NLRP6: variants seen among roughly 807,000 people sequenced by gnomAD.
NLRP6 encodes the protein NACHT, LRR and PYD domains-containing protein 6.
Under a neutral mutation model 70.9 loss-of-function variants are expected in NLRP6, and 55 were observed. The observed-to-expected ratio is 0.78, with a 90% CI of 0.62 to 0.97. NLRP6 has a LOEUF of 0.97. Ranked by LOEUF, NLRP6 falls within the 50% of genes least tolerant of loss-of-function variation. The pLI is 0.00. For missense variants in NLRP6, 1,241 were observed against 1,238.3 expected, an observed-to-expected ratio of 1.00 and a Z score of -0.03; for synonymous variants, 652 against 581.9, an observed-to-expected ratio of 1.12 and a Z score of -1.73.
At position 281,586 on chromosome 11, in the gene NLRP6, C is replaced by G; in HGVS notation, c.1852C>G (p.Pro618Ala). 1 of 1,611,404 alleles carries G rather than the reference C, an allele frequency of 6.2e-7. No homozygotes were observed. Among genetic ancestry groups the G allele is most frequent in the African/African-American group, 1.3e-5 (1 of 75,026 alleles). Residue 618 changes from proline (P) to alanine (A), a missense_variant, in exon 4 of 8, where the codon CCA becomes GCA. Coordinates refer to ENST00000534750, the MANE Select transcript of NLRP6 (RefSeq NM_001276700.2). ...EEEEGEEPNY[P>A]LELLYCLYET... ...GGAGGAGGGAGAGGAGCCCAACTAC[C>G]CACTGGAGTTGCTGTACTGCCTGTA...
chr11:282,595 T>G (rs1277985277), intron 4 of NLRP6, 110 bp from the exon 5 acceptor site: 3 of 837,682 alleles, frequency 3.6e-6, no homozygotes, highest in African/African-American at 3.3e-5. Flanking sequence ...AGCAAGGAGG[T>G]GAGGAGGAGG....
At chr11:285,064 C>A (rs1318092760) in intron 7 of NLRP6, 102 bp from the exon 8 acceptor site, 1 of 1,028,542 alleles carries the variant, frequency 9.7e-7, no homozygotes, top group Non-Finnish European at 1.4e-6. Context: ...CACGGCACTG[C>A]CCGTCACTGC....
rs1367634239 is a variant in NLRP6 at position 281,243 on chromosome 11, G to A, written c.1509G>A (p.Gln503=). The A allele has an allele frequency of 6.2e-7, 1 of 1,613,184 alleles. No individual in the cohort carries two copies. The highest frequency in any genetic ancestry group is 8.5e-7 in the Non-Finnish European group (1 of 1,179,928). The part of the protein sequence containing the change: ...VTYQFIDQSF[Q]EFLAALSYLL... The stretch of plus-strand genomic sequence containing the variant: ...ACCAGTTCATCGACCAGAGCTTCCA[G>A]GAGTTCCTCGCGGCACTGTCCTACC... The change falls in exon 4 of 8, where the codon CAG becomes CAA. Residue 503 remains glutamine (Q), a synonymous_variant. Transcript: ENST00000534750.
intron 2 of NLRP6, 48 bp downstream of exon 2, chr11:279,655 GC>G: frequency 7.3e-7 from 1 of 1,376,124 alleles, no homozygotes. Flanking sequence ...AGGCTGGGCT[GC>G]CCTCCTTCCC....
Position 279,454 on chromosome 11 carries a change from T to C in NLRP6, c.157T>C (p.Trp53Arg). ...DVGPDGRSIP[W>R]GRLERADAVD... is the part of the protein sequence containing the mutation. ...GGGCCCGGACGGACGCAGCATCCCG[T>C]GGGGGCGGCTGGAGCGCGCGGACGC... Residue 53 changes from tryptophan to arginine, a missense_variant, in exon 2 of 8, where the codon TGG becomes CGG. Physicochemically the swap from Trp to Arg is moderately radical, Grantham distance 101. Transcript: ENST00000534750. The C allele has an allele frequency of 7.1e-7, 1 of 1,403,472 alleles. No homozygotes were observed. The allele number at this position is 1,403,472 out of a possible 1,614,324, so 86.9% of individuals were successfully genotyped here. A position where few individuals can be genotyped will look rare whatever the true frequency, so the allele number is the denominator to read the frequency against.
Position 280,149 on chromosome 11 carries a change from C to A in NLRP6, c.415C>A (p.Arg139Ser). Residue 139 changes from arginine to serine, a missense_variant, in exon 4 of 8, where the codon CGC (arginine) becomes AGC (serine). Transcript: ENST00000534750. Reference protein sequence around the residue: ...LHARVKERNARSVKITKRFTK... With the variant: ...LHARVKERNASSVKITKRFTK... ...CGCTCGGGTGAAGGAGAGGAACGCC[C>A]GCTCCGTGAAGATCACCAAGCGCTT... 1 of 1,550,092 alleles carries A rather than the reference C, an allele frequency of 6.5e-7. No homozygotes were observed. The highest frequency in any genetic ancestry group is 8.7e-7 in the Non-Finnish European group (1 of 1,148,216).
chr11:278,647 C>T lies in NLRP6; in HGVS notation c.29+49C>T. 3 of 1,478,080 alleles carry T rather than the reference C, an allele frequency of 2.0e-6. No homozygotes were observed. Among genetic ancestry groups the T allele is most frequent in the Non-Finnish European group, 2.7e-6 (3 of 1,092,106 alleles). The allele number at this position is 1,478,080 out of a possible 1,614,324, so 91.6% of individuals were successfully genotyped here. ...CACTGGGAACCGGCTGGTCTCAGCC[C>T]TCTGGGGCCTCCACCTCACCCGCTG... On this transcript the variant is annotated intron_variant, in intron 1 of 7. Coordinates refer to ENST00000534750, the MANE Select transcript of NLRP6 (RefSeq NM_001276700.2). This position sits in a 1 kb window ranked among gnomAD's most constrained non-coding sequence, Gnocchi z 4.7.
rs1845460769 is a variant in NLRP6, at chr11:280,740, G to A, written c.1006G>A (p.Gly336Ser). 2 of 1,601,172 alleles carry A rather than the reference G, an allele frequency of 1.2e-6. No homozygotes were observed. Among genetic ancestry groups the A allele is most frequent in the Non-Finnish European group, 1.7e-6 (2 of 1,173,476 alleles). ...TRAAAPGRLQGRLCSPQCAEV... is the reference protein window; with the variant it reads ...TRAAAPGRLQSRLCSPQCAEV... ...CGCCGCCGCCCCCGGGAGGCTGCAG[G>A]GCCGCCTGTGTTCCCCGCAGTGCGC... Residue 336 changes from glycine (G) to serine (S), a missense_variant, in exon 4 of 8, where the codon GGC (glycine) becomes AGC (serine). Gly to Ser is a moderately conservative substitution (Grantham distance 56). Transcript: ENST00000534750.
Position 284,297 on chromosome 11 carries a change from G to A in NLRP6, c.2266G>A (p.Ala756Thr), listed in dbSNP as rs142821825. 304 of 1,612,472 alleles carry A rather than the reference G, an allele frequency of 1.9e-4. No homozygotes were observed. In the Middle Eastern group the frequency reaches 2.0e-3, roughly 10 times the overall value. Residue 756 changes from alanine (A) to threonine (T), a missense_variant, in exon 6 of 8, where the codon GCA (alanine) becomes ACA (threonine). Transcript: ENST00000534750. ...DLSEALRAAP[A>T]LTELGLLHNR... ...TTCTGAGGCCCTGAGGGCAGCCCCC[G>A]CACTGACGGAGCTGGGCCTCCTCCA...
chr11:284,850 T>C (rs1845536101), intron 7 of NLRP6, among the ~76,000 whole-genome samples: 1 of 152,194 alleles, frequency 6.6e-6, no homozygotes, highest in African/African-American at 2.4e-5. Flanking sequence ...GACCACTTTG[T>C]CTGACCAAAT....
Position 281,677 on chromosome 11 carries a change from G to A in NLRP6, c.1943G>A (p.Arg648Gln). The change falls in exon 4 of 8, where the codon CGA (arginine) becomes CAA (glutamine). Residue 648 changes from arginine (R) to glutamine (Q), a missense_variant. Coordinates refer to ENST00000534750, the MANE Select transcript of NLRP6 (RefSeq NM_001276700.2). ...LCRFPELALQRVRFCRMDVAV... is the reference protein window; with the variant it reads ...LCRFPELALQQVRFCRMDVAV... The stretch of plus-strand genomic sequence containing the variant: ...CGGTTCCCGGAGCTGGCGCTGCAGC[G>A]AGTGCGCTTCTGCCGCATGGACGTG... 1.1e-5 allele frequency: 18 copies of A among 1,613,440 alleles called. No individual in the cohort carries two copies. The highest frequency in any genetic ancestry group is 1.5e-5 in the Non-Finnish European group (18 of 1,180,030).
chr11:283,380 C>A (rs1223441684), intron 5 of NLRP6, among the ~76,000 whole-genome samples: 1 of 138,788 alleles, frequency 7.2e-6, no homozygotes, highest in Admixed American at 8.1e-5. Context: ...GTGGTGTGAT[C>A]TCAGCTCACT....
In NLRP6 at chr11:280,682, G is replaced by GCTGCCCACGGCCCTC; in HGVS notation, c.953_967dup (p.Pro318_Leu322dup). 3.2e-6 allele frequency: 5 copies of GCTGCCCACGGCCCTC among 1,555,550 alleles called. No homozygotes were observed. Among genetic ancestry groups the GCTGCCCACGGCCCTC allele is most frequent in the Non-Finnish European group, 4.3e-6 (5 of 1,156,322 alleles). On this transcript the variant is annotated inframe_insertion, in exon 4 of 8. Coordinates refer to ENST00000534750, the MANE Select transcript of NLRP6 (RefSeq NM_001276700.2). The stretch of plus-strand genomic sequence containing the variant: ...TAGGCGGGCTGCTGAGCAAGGCGCT[G>GCTGCCCACGGCCCTC]CTGCCCACGGCCCTCCTGCTGGTGA...
Position 284,536 on chromosome 11 carries a change from C to T in NLRP6, c.2431C>T (p.Pro811Ser), listed in dbSNP as rs752920364. The change falls in exon 7 of 8, where the codon CCT (proline) becomes TCT (serine). Residue 811 changes from proline to serine, a missense_variant. Coordinates refer to ENST00000534750, the MANE Select transcript of NLRP6 (RefSeq NM_001276700.2). Reference protein sequence around the residue: ...QYLVGMLRQSPALTTLDLSGC... With the variant: ...QYLVGMLRQSSALTTLDLSGC... ...CCTGGTGGGTATGCTTCGGCAGAGC[C>T]CTGCCCTGACCACCCTGGATCTCAG... The T allele has an allele frequency of 1.2e-6, 2 of 1,612,990 alleles. No individual in the cohort carries two copies. The highest frequency in any genetic ancestry group is 8.5e-7 in the Non-Finnish European group (1 of 1,179,844).
chr11:283,560 G>T (rs1246003190), intron 5 of NLRP6, among the ~76,000 whole-genome samples: 1 of 152,044 alleles, frequency 6.6e-6, no homozygotes, highest in Non-Finnish European at 1.5e-5. Context: ...TGATCCACCC[G>T]CCTCTGCCTC....
chr11:281,174 C>T lies in NLRP6; in HGVS notation c.1440C>T (p.Leu480=). 6.2e-7 allele frequency: 1 copy of T among 1,613,190 alleles called. No homozygotes were observed. Among genetic ancestry groups the T allele is most frequent in the African/African-American group, 1.3e-5 (1 of 75,076 alleles). Residue 480 remains leucine (L), a synonymous_variant, in exon 4 of 8, where the codon CTC becomes CTT. Coordinates refer to ENST00000534750, the MANE Select transcript of NLRP6 (RefSeq NM_001276700.2). ...LRGSKVQTLF[L]SKKELPGVLE... is the part of the protein sequence containing the mutation. ...GCTCCAAAGTGCAGACGCTGTTTCTCAGCAAAAAGGAGCTGCCGGGCGTGC... is the reference window on the plus strand; with the variant it reads ...GCTCCAAAGTGCAGACGCTGTTTCTTAGCAAAAAGGAGCTGCCGGGCGTGC...
rs1224848297 is a variant in NLRP6 at position 284,554 on chromosome 11, G to A, written c.2449G>A (p.Asp817Asn). 6 of 1,612,688 alleles carry A rather than the reference G, an allele frequency of 3.7e-6. No individual in the cohort carries two copies. In the Admixed American group the frequency reaches 5.0e-5, roughly 13 times the overall value. ...GCAGAGCCCTGCCCTGACCACCCTG[G>A]ATCTCAGCGGCTGCCAACTGCCCGC... ...LRQSPALTTL[D>N]LSGCQLPAPM... The change falls in exon 7 of 8, where the codon GAT becomes AAT. Residue 817 changes from aspartate (D) to asparagine (N), a missense_variant. Transcript: ENST00000534750.
rs1405392334 is a variant in NLRP6, at chr11:284,326, C to A, written c.2295C>A (p.Asn765Lys). The A allele has an allele frequency of 1.2e-6, 2 of 1,612,268 alleles. No individual in the cohort carries two copies. The highest frequency in any genetic ancestry group is 2.2e-5 in the South Asian group (2 of 91,076). Residue 765 changes from asparagine to lysine, a missense_variant, in exon 6 of 8, where the codon AAC (asparagine) becomes AAA (lysine). Coordinates refer to ENST00000534750, the MANE Select transcript of NLRP6 (RefSeq NM_001276700.2). ...TGACGGAGCTGGGCCTCCTCCACAA[C>A]AGGCTCAGTGAGGCGGGACTGCGTA... ...PALTELGLLH[N>K]RLSEAGLRML... is the part of the protein sequence containing the mutation.
At chr11:285,102 GCCC>G in intron 7 of NLRP6, 61 bp from the exon 8 acceptor site, 1 of 1,507,168 alleles carries the variant, frequency 6.6e-7, no homozygotes, top group Non-Finnish European at 9.0e-7. Context: ...CCACGGCACT[GCCC>G]CCAAGCCCTG....
Sources: allele counts gnomAD v4.1 joint callset (sites outside exome capture counted in the v4.1 genomes callset), GRCh38; gene constraint gnomAD v4.1.1; non-coding constraint Gnocchi (gnomAD v3.1); transcripts MANE v1.5; gene names NCBI Gene and HGNC (gene_info 2026-07-23, HGNC 2026-07-21).